Variants in STK38L observed in about 807,000 individuals in gnomAD.
STK38L encodes the protein serine/threonine kinase 38 like.
A neutral mutation model predicts 59.7 loss-of-function variants in STK38L; 28 were observed. The ratio of observed to expected loss-of-function variants is 0.47; its 90% CI spans 0.35 to 0.64. The LOEUF (loss-of-function observed/expected upper bound fraction) is 0.64, where lower values mean the gene tolerates loss of function less well. Among genes scored for constraint, STK38L ranks in the 30% least tolerant of loss-of-function variants. STK38L has a pLI of 0.01. For missense variants in STK38L, 314 were observed against 555.8 expected, an observed-to-expected ratio of 0.56 and a Z score of 4.37; for synonymous variants, 162 against 176.8, an observed-to-expected ratio of 0.92 and a Z score of 0.66.
chr12:27,281,148 G>C (rs1943649961), intron 1 of STK38L, among the ~76,000 whole-genome samples: 1 of 3,704 alleles, frequency 2.7e-4, no homozygotes, highest in East Asian at 2.0e-3. Context: ...TGCAGTGGCG[G>C]GATCTCGGCT....
intron 1 of STK38L, among the ~76,000 whole-genome samples, chr12:27,255,702 T>C (rs776286752): frequency 7.9e-5 from 12 of 152,192 alleles, no homozygotes; most frequent in Non-Finnish European, 1.5e-4. Flanking sequence ...ATGTGCTCTT[T>C]TGTCCCCAAT....
intron 1 of STK38L, among the ~76,000 whole-genome samples, chr12:27,286,723 C>T (rs539325377): frequency 6.6e-6 from 1 of 152,120 alleles, no homozygotes; most frequent in South Asian, 2.1e-4. Context: ...AAAAATATCT[C>T]TATGGTTCTT....
At chr12:27,254,048 A>C (rs1030155938) in intron 1 of STK38L, among the ~76,000 whole-genome samples, 6 of 152,236 alleles carry the variant, frequency 3.9e-5, no homozygotes, top group African/African-American at 1.4e-4. Context: ...AGATACCATC[A>C]GCCAGAGAGA....
At chr12:27,281,789 C>T (rs980398718) in intron 1 of STK38L, among the ~76,000 whole-genome samples, 1 of 152,098 alleles carries the variant, frequency 6.6e-6, no homozygotes, top group African/African-American at 2.4e-5. Context: ...AATCCCAGCA[C>T]TTTGGGAGGC....
chr12:27,294,187 C>T (rs969713178), intron 1 of STK38L, among the ~76,000 whole-genome samples: 1 of 152,136 alleles, frequency 6.6e-6, no homozygotes. Flanking sequence ...GTACACCTGT[C>T]CTCCTTTTGA....
chr12:27,322,629 G>A lies in STK38L; in HGVS notation c.*174G>A. ...AGACTACTATAGGAATTGGTTGGCAGTGCCAGCTGGCTCTTTTTTTTAATA... is the reference window on the plus strand; with the variant it reads ...AGACTACTATAGGAATTGGTTGGCAATGCCAGCTGGCTCTTTTTTTTAATA... On this transcript the variant is annotated 3_prime_UTR_variant, in exon 14 of 14. Coordinates refer to ENST00000389032, the MANE Select transcript of STK38L (RefSeq NM_015000.4). 1 of 712,970 alleles carries A rather than the reference G, an allele frequency of 1.4e-6. No homozygotes were observed. Among genetic ancestry groups the A allele is most frequent in the Non-Finnish European group, 2.0e-6 (1 of 490,258 alleles). The allele number at this position is 712,970 out of a possible 1,614,324, so 44.2% of individuals were successfully genotyped here. A position where few individuals can be genotyped will look rare whatever the true frequency, so the allele number is the denominator to read the frequency against.
intron 1 of STK38L, among the ~76,000 whole-genome samples, chr12:27,288,192 CATATT>C (rs1466922228): frequency 1.3e-5 from 2 of 152,148 alleles, no homozygotes; most frequent in Non-Finnish European, 2.9e-5. Flanking sequence ...TTTATTCTTA[CATATT>C]TTATGAATGT....
intron 1 of STK38L, among the ~76,000 whole-genome samples, chr12:27,291,461 T>G (rs1943894417): frequency 1.3e-5 from 2 of 152,182 alleles, no homozygotes; most frequent in Non-Finnish European, 2.9e-5. Flanking sequence ...CTCCCTACTT[T>G]GTGTCTCCAT....
In STK38L at chr12:27,324,433, G is replaced by A. The variant is rs1944797362; in HGVS notation, c.*1978G>A. On this transcript the variant is annotated 3_prime_UTR_variant, in exon 14 of 14. Transcript: ENST00000389032. ...TAAGATATGAGATAATTGCAACATT[G>A]TCTAGTTCTAGTATGGTAACTATTC... The A allele has an allele frequency of 6.6e-6, 1 of 152,000 alleles. No individual in the cohort carries two copies. Among genetic ancestry groups the A allele is most frequent in the South Asian group, 2.1e-4 (1 of 4,826 alleles). 9.4% of individuals were successfully genotyped at this position (152,000 alleles called of 1,614,324 possible).
intron 1 of STK38L, among the ~76,000 whole-genome samples, chr12:27,294,504 C>CAA (rs63041360): frequency 4.6e-4 from 47 of 101,408 alleles, no homozygotes; most frequent in Middle Eastern, 5.7e-3. Flanking sequence ...GAAATTCTGT[C>CAA]AAAAAAAAAA....
At chr12:27,263,349 G>T (rs1963511) in intron 1 of STK38L, among the ~76,000 whole-genome samples, 87,653 of 151,958 alleles carry the variant, frequency 0.58, 25,955 homozygotes, top group Non-Finnish European at 0.64. Context: ...GAACAAGCAG[G>T]TCTTTTATTT....
In STK38L at chr12:27,297,714, C is replaced by T. The variant is rs111309830; in HGVS notation, c.-7C>T. On this transcript the variant is annotated 5_prime_UTR_variant, in exon 2 of 14. Coordinates refer to ENST00000389032, the MANE Select transcript of STK38L (RefSeq NM_015000.4). ...TGTTTTTCTATGTTGTTTCAGTTTCCGTTACTATGGCAATGACGGCAGGGA... is the reference window on the plus strand; with the variant it reads ...TGTTTTTCTATGTTGTTTCAGTTTCTGTTACTATGGCAATGACGGCAGGGA... 1.2e-3 allele frequency: 1,909 copies of T among 1,603,768 alleles called. 24 individuals carry two copies. In the African/African-American group the frequency reaches 0.021, roughly 17 times the overall value.
chr12:27,257,687 T>C (rs1943117849), intron 1 of STK38L, among the ~76,000 whole-genome samples: 1 of 152,166 alleles, frequency 6.6e-6, no homozygotes, highest in Admixed American at 6.6e-5. Flanking sequence ...TGTATGACTA[T>C]AGGGCATCAC....
intron 6 of STK38L, 130 bp downstream of exon 6, chr12:27,312,802 T>C: frequency 1.9e-6 from 2 of 1,077,196 alleles, no homozygotes; most frequent in South Asian, 1.7e-5. Flanking sequence ...TTTAAAAATA[T>C]TTACTACCAT....
intron 12 of STK38L, 141 bp from the exon 13 acceptor site, chr12:27,322,002 T>C (rs914671225): frequency 6.1e-6 from 4 of 653,654 alleles, no homozygotes; most frequent in Non-Finnish European, 7.5e-6. Context: ...GAACTCCCTT[T>C]AACTAATCTC....
At chr12:27,293,012 C>T (rs1485987594) in intron 1 of STK38L, among the ~76,000 whole-genome samples, 3 of 152,246 alleles carry the variant, frequency 2.0e-5, no homozygotes, top group Admixed American at 1.3e-4. Context: ...TATGCATAGG[C>T]GCCACCATAG....
intron 1 of STK38L, among the ~76,000 whole-genome samples, chr12:27,267,987 T>G (rs1943334393): frequency 1.3e-5 from 2 of 152,226 alleles, no homozygotes; most frequent in Non-Finnish European, 2.9e-5. Flanking sequence ...TTGTTCAGAA[T>G]AGTACCTGAG....
chr12:27,289,702 A>G (rs1943854406), intron 1 of STK38L, among the ~76,000 whole-genome samples: 1 of 152,216 alleles, frequency 6.6e-6, no homozygotes, highest in Admixed American at 6.5e-5. Context: ...CAGCAGATAC[A>G]GTAAAGAGAT....
intron 1 of STK38L, among the ~76,000 whole-genome samples, chr12:27,266,378 A>C (rs1943301370): frequency 6.6e-6 from 1 of 152,204 alleles, no homozygotes; most frequent in East Asian, 1.9e-4. Context: ...AAACTTTTTA[A>C]TGGAGCGATC....
Sources: gnomAD v4.1 joint callset for allele counts (sites outside exome capture counted in the v4.1 genomes callset) on GRCh38, gnomAD v4.1.1 for gene constraint, MANE v1.5 for transcripts, NCBI Gene and HGNC (gene_info 2026-07-23, HGNC 2026-07-21) for gene names.